The following ZNF423 variants were observed in gnomAD, a reference collection of about 807,000 sequenced individuals.
ZNF423 encodes the protein Ebf-associated zinc finger protein.
In ZNF423, 12 loss-of-function variants were observed where a neutral mutation model predicts 95.8. That is an observed-to-expected ratio of 0.13 (90% CI 0.08 to 0.20). The LOEUF (loss-of-function observed/expected upper bound fraction) is 0.20, where lower values mean the gene tolerates loss of function less well. Among genes scored for constraint, ZNF423 ranks in the 10% least tolerant of loss-of-function variants. The probability of loss-of-function intolerance (pLI) is 1.00; values close to 1 mark genes in which losing one functional copy is unlikely to be tolerated. For synonymous variants in ZNF423, 749 were observed against 711.9 expected, an observed-to-expected ratio of 1.05 and a Z score of -0.83; for missense variants, 1,316 against 1,737.1, an observed-to-expected ratio of 0.76 and a Z score of 4.31.
At chr16:49,581,480 C>T (rs892370371) in intron 5 of ZNF423, among the ~76,000 whole-genome samples, 2 of 152,128 alleles carry the variant, frequency 1.3e-5, no homozygotes, top group Non-Finnish European at 2.9e-5. Flanking sequence ...AATCTCTGTC[C>T]CTTGGAGGAA....
At chr16:49,760,021 T>C (rs1462124475) in intron 2 of ZNF423, among the ~76,000 whole-genome samples, 2 of 28,712 alleles carry the variant, frequency 7.0e-5, no homozygotes, top group African/African-American at 3.1e-4. Flanking sequence ...GATCAATGGG[T>C]GGATGGGTGG....
intron 5 of ZNF423, among the ~76,000 whole-genome samples, chr16:49,550,900 C>G (rs1018362022): frequency 2.0e-5 from 3 of 152,246 alleles, no homozygotes; most frequent in Non-Finnish European, 4.4e-5. Context: ...CTGGGAGTGA[C>G]CTCCATCAGG....
At chr16:49,695,746 G>C (rs1156917055) in intron 3 of ZNF423, among the ~76,000 whole-genome samples, 1 of 152,200 alleles carries the variant, frequency 6.6e-6, no homozygotes, top group Non-Finnish European at 1.5e-5. Flanking sequence ...TTTTTATTTT[G>C]TTTGTTCATA....
intron 3 of ZNF423, among the ~76,000 whole-genome samples, chr16:49,696,028 G>A (rs974142373): frequency 6.6e-6 from 1 of 152,162 alleles, no homozygotes; most frequent in African/African-American, 2.4e-5. Context: ...AGGGCCAGAC[G>A]TGTGATCTCA....
chr16:49,651,773 A>T (rs9940358), intron 3 of ZNF423, among the ~76,000 whole-genome samples: 1 of 152,020 alleles, frequency 6.6e-6, no homozygotes, highest in African/African-American at 2.4e-5. Context: ...CTGGCTCCCA[A>T]ATCACCATAA....
intron 5 of ZNF423, among the ~76,000 whole-genome samples, chr16:49,528,449 T>C (rs1276624814): frequency 6.6e-6 from 1 of 152,078 alleles, no homozygotes; most frequent in Non-Finnish European, 1.5e-5. Flanking sequence ...TCCAGGCTAA[T>C]TAGATCAAGA....
chr16:49,836,313 G>A (rs541134993), intron 1 of ZNF423, among the ~76,000 whole-genome samples: 2 of 151,984 alleles, frequency 1.3e-5, no homozygotes, highest in African/African-American at 4.8e-5. Context: ...CCTCCAACCT[G>A]TCCAAGCTGC....
chr16:49,541,938 C>G (rs963116980), intron 5 of ZNF423, among the ~76,000 whole-genome samples: 16 of 152,198 alleles, frequency 1.1e-4, no homozygotes, highest in African/African-American at 3.6e-4. Context: ...TATAAAGTAT[C>G]CAGTGTCAGG....
chr16:49,787,453 G>A (rs2034333724), intron 2 of ZNF423, among the ~76,000 whole-genome samples: 1 of 152,078 alleles, frequency 6.6e-6, no homozygotes, highest in Non-Finnish European at 1.5e-5. Context: ...GGCGAGCCAC[G>A]GCCATGGAGT....
At position 49,710,132 on chromosome 16, in the gene ZNF423, G is replaced by A. The variant is rs191391968; in HGVS notation, c.301+20639C>T. Among the ~76,000 whole-genome samples, 81 of 152,308 alleles carry A rather than the reference G, an allele frequency of 5.3e-4. No individual in the cohort carries two copies. The East Asian group carries it at 0.011, about 21-fold the overall frequency. ...AAAATAAACCAACAAACTCTCCCTT[G>A]ACTTGCACACAGTTGCTAGAGATAG... On this transcript the variant is annotated intron_variant, in intron 3 of 7. Transcript: ENST00000563137.
intron 3 of ZNF423, among the ~76,000 whole-genome samples, chr16:49,730,176 C>G (rs1339589167): frequency 6.6e-6 from 1 of 152,124 alleles, no homozygotes; most frequent in African/African-American, 2.4e-5. Context: ...TCAGTAGCTC[C>G]TAGAAAACTG....
chr16:49,683,794 T>G (rs2031460743), intron 3 of ZNF423, among the ~76,000 whole-genome samples: 1 of 152,148 alleles, frequency 6.6e-6, no homozygotes, highest in African/African-American at 2.4e-5. Context: ...AATTTAAAAC[T>G]TAGCCAGGCA....
intron 1 of ZNF423, among the ~76,000 whole-genome samples, chr16:49,810,877 C>T (rs1020129076): frequency 1.3e-5 from 2 of 152,080 alleles, no homozygotes; most frequent in African/African-American, 2.4e-5. Flanking sequence ...TTGAGGCCCT[C>T]GGGGTGTGCA....
At chr16:49,849,480 G>A (rs2035279108) in intron 1 of ZNF423, among the ~76,000 whole-genome samples, 1 of 152,224 alleles carries the variant, frequency 6.6e-6, no homozygotes, top group Non-Finnish European at 1.5e-5. Flanking sequence ...AATCTCATTT[G>A]ATGGGTTTTT....
At chr16:49,780,801 C>A (rs1398781979) in intron 2 of ZNF423, among the ~76,000 whole-genome samples, 1 of 152,250 alleles carries the variant, frequency 6.6e-6, no homozygotes, top group East Asian at 1.9e-4. Context: ...ATGAGAAACT[C>A]CCCAGCTGGC....
intron 5 of ZNF423, among the ~76,000 whole-genome samples, chr16:49,560,193 G>A (rs1234904601): frequency 1.3e-5 from 2 of 152,190 alleles, no homozygotes; most frequent in Admixed American, 6.5e-5. Flanking sequence ...GTCACCAGGA[G>A]CCAGTGAGCC....
chr16:49,691,950 T>C (rs1349131677), intron 3 of ZNF423, among the ~76,000 whole-genome samples: 3 of 151,546 alleles, frequency 2.0e-5, no homozygotes, highest in African/African-American at 7.3e-5. Flanking sequence ...TTTGTTTGCT[T>C]GTTTGTTTGT....
At chr16:49,685,062 A>C (rs1173999576) in intron 3 of ZNF423, among the ~76,000 whole-genome samples, 4 of 152,136 alleles carry the variant, frequency 2.6e-5, no homozygotes, top group East Asian at 3.9e-4. Context: ...AACACTGGAC[A>C]GGCTGCCCCC....
intron 3 of ZNF423, among the ~76,000 whole-genome samples, chr16:49,651,333 G>A (rs993008509): frequency 6.6e-5 from 10 of 152,102 alleles, no homozygotes; most frequent in Admixed American, 2.6e-4. Context: ...GCCCACTTAC[G>A]GTTTTTCTTG....
Sources: gnomAD v4.1 joint callset for allele counts (sites outside exome capture counted in the v4.1 genomes callset) on GRCh38, gnomAD v4.1.1 for gene constraint, MANE v1.5 for transcripts, NCBI Gene and HGNC (gene_info 2026-07-23, HGNC 2026-07-21) for gene names.